The following UBR3 variants were observed in gnomAD, a reference collection of about 807,000 sequenced individuals.
The protein encoded by UBR3 is ubiquitin protein ligase E3 component n-recognin 3.
UBR3 carries 85 observed loss-of-function variants against 243.2 expected under a neutral mutation model. The observed-to-expected ratio is 0.35, with a 90% CI of 0.29 to 0.42. UBR3 has a LOEUF of 0.42. Among genes scored for constraint, UBR3 ranks in the 10% least tolerant of loss-of-function variants. The pLI is 1.00. For missense variants in UBR3, 1,686 were observed against 2,300.8 expected (o/e 0.73, Z 5.47); for synonymous variants, 748 against 799.8 (o/e 0.94, Z 1.09).
chr2:169,895,826 C>G (rs1018349092), intron 7 of UBR3, among the ~76,000 whole-genome samples: 1 of 152,020 alleles, frequency 6.6e-6, no homozygotes, highest in African/African-American at 2.4e-5. Flanking sequence ...CCACCTGTTA[C>G]TATCTTACGG....
In UBR3 at chr2:169,985,956, G is replaced by T. The variant is rs113675291; in HGVS notation, c.3635-689G>T. ...TCTTCCACCTATTTCTTTGTCACCA[G>T]TGGCAGCATCACTTATCTTCGTGAA... is the stretch of plus-strand genomic sequence containing the variant. On this transcript the variant is annotated intron_variant, in intron 24 of 38. Coordinates refer to ENST00000272793, the MANE Select transcript of UBR3 (RefSeq NM_172070.4). 6.5e-3 allele frequency among the ~76,000 whole-genome samples: 982 copies of T among 152,178 alleles called. 11 individuals carry two copies. The highest frequency in any genetic ancestry group is 0.022 in the African/African-American group (918 of 41,522).
chr2:169,986,364 T>A (rs1232470534), intron 24 of UBR3, among the ~76,000 whole-genome samples: 4 of 152,248 alleles, frequency 2.6e-5, no homozygotes. Flanking sequence ...CAAATATCTT[T>A]GCCTCTATGT....
At chr2:170,031,353 AT>A (rs926427814) in intron 31 of UBR3, among the ~76,000 whole-genome samples, 4 of 151,992 alleles carry the variant, frequency 2.6e-5, no homozygotes, top group African/African-American at 7.2e-5. Flanking sequence ...TTCATGTATG[AT>A]TTTTTTGTCA....
At chr2:170,077,996 G>A (rs1429599319) in intron 36 of UBR3, 2 of 659,630 alleles carry the variant, frequency 3.0e-6, no homozygotes, top group Non-Finnish European at 5.7e-6. Context: ...ATCATACTGG[G>A]AAGTACGTTA....
At chr2:169,848,014 G>A (rs1291737059) in intron 1 of UBR3, among the ~76,000 whole-genome samples, 1 of 152,138 alleles carries the variant, frequency 6.6e-6, no homozygotes, top group African/African-American at 2.4e-5. Flanking sequence ...TAGATGCTTA[G>A]TTCTGTCTTC....
At chr2:169,963,021 G>A (rs994006951) in intron 24 of UBR3, among the ~76,000 whole-genome samples, 3 of 152,146 alleles carry the variant, frequency 2.0e-5, no homozygotes, top group South Asian at 4.1e-4. Context: ...AGGTCAGAGC[G>A]CCCAGATGCT....
chr2:169,893,975 A>G (rs1264552123), intron 6 of UBR3, among the ~76,000 whole-genome samples: 1 of 151,876 alleles, frequency 6.6e-6, no homozygotes, highest in Non-Finnish European at 1.5e-5. Context: ...ACTGTATTTT[A>G]CCTCATTTCT....
intron 32 of UBR3, among the ~76,000 whole-genome samples, chr2:170,048,513 C>T (rs1287679682): frequency 3.3e-5 from 5 of 152,186 alleles, no homozygotes; most frequent in African/African-American, 7.2e-5. Flanking sequence ...CACTTAGCCA[C>T]CCTATTTAGC....
intron 38 of UBR3, 149 bp from the exon 39 acceptor site, chr2:170,081,577 C>T: frequency 4.4e-6 from 2 of 456,538 alleles, no homozygotes; most frequent in Non-Finnish European, 7.8e-6. Flanking sequence ...GTAATCCCAG[C>T]TACTCGAGAG....
At chr2:169,958,009 A>G (rs1337084266) in intron 23 of UBR3, among the ~76,000 whole-genome samples, 3 of 152,190 alleles carry the variant, frequency 2.0e-5, no homozygotes, top group Admixed American at 6.5e-5. Flanking sequence ...CCTATCTTTT[A>G]GACTTTGTTT....
At chr2:169,859,362 C>T (rs963103277) in intron 1 of UBR3, among the ~76,000 whole-genome samples, 20 of 152,158 alleles carry the variant, frequency 1.3e-4, no homozygotes, top group African/African-American at 9.7e-5. Context: ...TGACACACTG[C>T]ACCTGGCCCT....
At chr2:169,976,295 T>A (rs7605205) in intron 24 of UBR3, among the ~76,000 whole-genome samples, 40,993 of 151,754 alleles carry the variant, frequency 0.27, 5,749 homozygotes, top group East Asian at 0.42. Context: ...TTTTCTGTAG[T>A]GATAATGTTT....
chr2:170,025,360 C>T (rs1006308268), intron 30 of UBR3, among the ~76,000 whole-genome samples: 7 of 152,026 alleles, frequency 4.6e-5, no homozygotes, highest in Admixed American at 4.6e-4. Context: ...CAGAGAGAAC[C>T]TTACAGAGCA....
At chr2:169,916,350 A>G (rs1332120968) in intron 11 of UBR3, among the ~76,000 whole-genome samples, 1 of 152,138 alleles carries the variant, frequency 6.6e-6, no homozygotes, top group Admixed American at 6.6e-5. Context: ...CCAATCTCAT[A>G]TATAAATATG....
At chr2:169,829,969 G>A (rs551209391) in intron 1 of UBR3, among the ~76,000 whole-genome samples, 2 of 151,616 alleles carry the variant, frequency 1.3e-5, no homozygotes, top group South Asian at 2.1e-4. Flanking sequence ...TTATGCAAAG[G>A]GTTACATACT....
chr2:169,835,548 C>T (rs1012180511), intron 1 of UBR3, among the ~76,000 whole-genome samples: 1 of 152,142 alleles, frequency 6.6e-6, no homozygotes, highest in Non-Finnish European at 1.5e-5. Context: ...TCAAGCGGTT[C>T]TCCTGTCTCA....
intron 3 of UBR3, among the ~76,000 whole-genome samples, chr2:169,876,745 T>C (rs2083633122): frequency 6.6e-6 from 1 of 152,036 alleles, no homozygotes; most frequent in African/African-American, 2.4e-5. Context: ...TGTATTTTTG[T>C]AGAGACAGGG....
intron 24 of UBR3, among the ~76,000 whole-genome samples, chr2:169,962,556 A>G (rs73017627): frequency 0.097 from 14,780 of 152,046 alleles, 851 homozygotes; most frequent in African/African-American, 0.16. Flanking sequence ...CTTACATTTT[A>G]TTCTCTTTTG....
chr2:169,933,217 A>G (rs2086204599), intron 19 of UBR3, among the ~76,000 whole-genome samples: 1 of 152,220 alleles, frequency 6.6e-6, no homozygotes, highest in African/African-American at 2.4e-5. Context: ...ATAAATTTAG[A>G]ACATGATCAC....
Sources: allele counts gnomAD v4.1 joint callset (sites outside exome capture counted in the v4.1 genomes callset), GRCh38; gene constraint gnomAD v4.1.1; transcripts MANE v1.5; gene names NCBI Gene and HGNC (gene_info 2026-07-23, HGNC 2026-07-21).